Variants in TPD52 observed in about 807,000 individuals in gnomAD.
The protein encoded by TPD52 is tumor protein D52.
In TPD52, 17 loss-of-function variants were observed where a neutral mutation model predicts 31.3. The observed-to-expected ratio is 0.54, with a 90% CI of 0.37 to 0.82. The LOEUF (loss-of-function observed/expected upper bound fraction) is 0.82. Ranked by LOEUF, TPD52 falls within the 40% of genes least tolerant of loss-of-function variation. The probability of loss-of-function intolerance (pLI) is 0.00; values close to 1 mark genes in which losing one functional copy is unlikely to be tolerated. For synonymous variants in TPD52, 83 were observed against 89.6 expected, an observed-to-expected ratio of 0.93 and a Z score of 0.42; for missense variants, 212 against 240.1, an observed-to-expected ratio of 0.88 and a Z score of 0.77.
At chr8:80,169,348 C>G (rs1341504336) in intron 1 of TPD52, among the ~76,000 whole-genome samples, 1 of 152,176 alleles carries the variant, frequency 6.6e-6, no homozygotes, top group Non-Finnish European at 1.5e-5. Flanking sequence ...GGCAGTGCCT[C>G]TTCTTTCATT....
chr8:80,080,410 G>A lies in TPD52; in HGVS notation c.20-15817C>T, dbSNP rs752479576. On this transcript the variant is annotated intron_variant, in intron 1 of 7. Transcript: ENST00000518937. ...GTTCACTCCTGCATCAAAATCAAAC[G>A]GGGACTGGTAGTCCTCATATAAGTC... The A allele has an allele frequency of 3.1e-5, 50 of 1,614,106 alleles. No individual in the cohort carries two copies. In the Middle Eastern group the frequency reaches 6.6e-4, roughly 21 times the overall value.
intron 1 of TPD52, among the ~76,000 whole-genome samples, chr8:80,116,376 C>T (rs969054348): frequency 3.3e-5 from 5 of 150,716 alleles, no homozygotes; most frequent in African/African-American, 1.2e-4. Flanking sequence ...AATACTATGA[C>T]CAACTGTGTG....
Position 80,133,714 on chromosome 8 carries a change from A to G in TPD52, c.19+37711T>C, listed in dbSNP as rs182957964. On this transcript the variant is annotated intron_variant, in intron 1 of 7. Coordinates refer to ENST00000518937, the MANE Select transcript of TPD52 (RefSeq NM_001025253.3). The stretch of plus-strand genomic sequence containing the variant: ...TTCCAAATGGAGCCCTACAGAAACT[A>G]TCTCGATTTCATCAAGTTCAAGAGT... Among the ~76,000 whole-genome samples the G allele has an allele frequency of 1.6e-4, 25 of 151,918 alleles. No homozygotes were observed. In the East Asian group the frequency reaches 4.4e-3, roughly 27 times the overall value.
At chr8:80,049,253 A>G (rs1811142884) in intron 5 of TPD52, among the ~76,000 whole-genome samples, 2 of 152,188 alleles carry the variant, frequency 1.3e-5, no homozygotes, top group Non-Finnish European at 2.9e-5. Context: ...CTTCATTCTA[A>G]TAAAAGCCAT....
intron 1 of TPD52, among the ~76,000 whole-genome samples, chr8:80,084,519 A>G (rs1473685569): frequency 2.0e-5 from 3 of 152,206 alleles, no homozygotes; most frequent in Non-Finnish European, 4.4e-5. Context: ...CTGGGAAGGG[A>G]CAGAAGGAGA....
chr8:80,086,878 A>C (rs959097345), intron 1 of TPD52, among the ~76,000 whole-genome samples: 1 of 10,668 alleles, frequency 9.4e-5, no homozygotes, highest in African/African-American at 9.1e-4. Flanking sequence ...CTGTCTCAAC[A>C]AAAAAAAAAA....
chr8:80,140,674 G>A (rs1347963981), intron 1 of TPD52, among the ~76,000 whole-genome samples: 2 of 152,038 alleles, frequency 1.3e-5, no homozygotes, highest in Non-Finnish European at 1.5e-5. Context: ...ACTCCCACAT[G>A]TAATCTATTT....
At chr8:80,034,576 G>C (rs1404206516), downstream of TPD52, among the ~76,000 whole-genome samples, 5 of 152,166 alleles carry the variant, frequency 3.3e-5, no homozygotes, top group Non-Finnish European at 5.9e-5. Flanking sequence ...AGATCATTAA[G>C]GGGATCATGT....
At chr8:80,146,251 G>GC (rs1810187711) in intron 1 of TPD52, among the ~76,000 whole-genome samples, 1 of 152,200 alleles carries the variant, frequency 6.6e-6, no homozygotes, top group Non-Finnish European at 1.5e-5. Flanking sequence ...TGGATGTATA[G>GC]CCCCTGGAAG....
intron 1 of TPD52, among the ~76,000 whole-genome samples, chr8:80,127,831 CACACACAG>C (rs750048025): frequency 0.12 from 5,989 of 51,416 alleles, 167 homozygotes; most frequent in East Asian, 0.33. Flanking sequence ...CACACACACA[CACACACAG>C]AGATACATAA....
downstream of TPD52, among the ~76,000 whole-genome samples, chr8:80,031,638 G>C (rs1306589918): frequency 6.6e-6 from 1 of 151,870 alleles, no homozygotes; most frequent in Non-Finnish European, 1.5e-5. Context: ...AGGGAGGATT[G>C]CTTGAGATGA....
intron 2 of TPD52, among the ~76,000 whole-genome samples, chr8:80,055,671 AG>A (rs1415986667): frequency 6.6e-5 from 10 of 152,256 alleles, no homozygotes; most frequent in Non-Finnish European, 1.3e-4. Context: ...AAAATATACA[AG>A]GAACTCAATT....
chr8:80,072,723 A>G (rs1001477741), intron 1 of TPD52, among the ~76,000 whole-genome samples: 2 of 150,506 alleles, frequency 1.3e-5, no homozygotes, highest in Non-Finnish European at 2.9e-5. Context: ...ATACGCACAC[A>G]TATATACATA....
intron 1 of TPD52, among the ~76,000 whole-genome samples, chr8:80,160,889 CAAAAAAAAAAA>C (rs58923055): frequency 4.2e-5 from 4 of 95,096 alleles, no homozygotes; most frequent in South Asian, 8.1e-4. Flanking sequence ...ACTAAAAATA[CAAAAAAAAAAA>C]AAAAAAAAAA....
intron 1 of TPD52, among the ~76,000 whole-genome samples, chr8:80,163,290 C>T (rs1811482653): frequency 6.6e-6 from 1 of 152,096 alleles, no homozygotes; most frequent in African/African-American, 2.4e-5. Context: ...TATTATTCAG[C>T]CTTAAGAAGG....
chr8:80,095,379 A>G (rs966828004), intron 1 of TPD52, among the ~76,000 whole-genome samples: 1 of 152,312 alleles, frequency 6.6e-6, no homozygotes, highest in South Asian at 2.1e-4. Context: ...GCAAGCAGGA[A>G]TGACTAGGTT....
At chr8:80,040,917 G>C (rs1037629643) in intron 7 of TPD52, among the ~76,000 whole-genome samples, 1 of 152,146 alleles carries the variant, frequency 6.6e-6, no homozygotes, top group East Asian at 1.9e-4. Context: ...CTAAGCCTTT[G>C]AGAAGTATCA....
At chr8:80,057,137 C>T (rs1811980834) in intron 2 of TPD52, among the ~76,000 whole-genome samples, 1 of 152,208 alleles carries the variant, frequency 6.6e-6, no homozygotes, top group African/African-American at 2.4e-5. Context: ...TACTACACTC[C>T]AGCCTGGGCA....
chr8:80,077,250 G>A (rs911056801), intron 1 of TPD52, among the ~76,000 whole-genome samples: 3 of 149,958 alleles, frequency 2.0e-5, no homozygotes, highest in Non-Finnish European at 4.4e-5. Flanking sequence ...ACTCCAGCCT[G>A]GGCGACAGAG....
Sources: allele counts gnomAD v4.1 joint callset (sites outside exome capture counted in the v4.1 genomes callset), GRCh38; gene constraint gnomAD v4.1.1; transcripts MANE v1.5; gene names NCBI Gene and HGNC (gene_info 2026-07-23, HGNC 2026-07-21).